Variants in CAPN2 observed in about 807,000 individuals in gnomAD.
CAPN2 encodes calpain-2 catalytic subunit.
In CAPN2, 92 loss-of-function variants were observed where a neutral mutation model predicts 102.3. That is an observed-to-expected ratio of 0.90 (90% CI 0.76 to 1.07). CAPN2 has a LOEUF of 1.07. Among genes scored for constraint, CAPN2 ranks in the 50% least tolerant of loss-of-function variants. The pLI is 0.00. For missense variants in CAPN2, 800 were observed against 909.4 expected, an observed-to-expected ratio of 0.88 and a Z score of 1.55; for synonymous variants, 340 against 355.4, an observed-to-expected ratio of 0.96 and a Z score of 0.49.
At chr1:223,773,005 T>C (rs1040264081) in intron 20 of CAPN2, 1 of 152,178 alleles carries the variant, frequency 6.6e-6, no homozygotes, top group African/African-American at 2.4e-5. Flanking sequence ...CAGTTGTCAG[T>C]CCTGTCCGTG....
intron 2 of CAPN2, among the ~76,000 whole-genome samples, chr1:223,738,479 A>G (rs1660521653): frequency 6.6e-6 from 1 of 152,160 alleles, no homozygotes; most frequent in African/African-American, 2.4e-5. Flanking sequence ...CCCTATTGCT[A>G]TTTTTATTAG....
intron 2 of CAPN2, among the ~76,000 whole-genome samples, chr1:223,732,387 A>C (rs971196771): frequency 3.9e-5 from 6 of 152,218 alleles, no homozygotes; most frequent in Non-Finnish European, 7.3e-5. Flanking sequence ...TTATATGCTA[A>C]ACTTCTTGAT....
At chr1:223,746,613 G>A (rs1660756627) in intron 4 of CAPN2, among the ~76,000 whole-genome samples, 1 of 151,676 alleles carries the variant, frequency 6.6e-6, no homozygotes, top group African/African-American at 2.4e-5. Context: ...AAGTAGCTGG[G>A]ACTACAGGCA....
chr1:223,753,135 C>T (rs1660947558), intron 9 of CAPN2, among the ~76,000 whole-genome samples, 179 bp downstream of exon 9: 1 of 147,050 alleles, frequency 6.8e-6, no homozygotes, highest in Non-Finnish European at 1.5e-5. Context: ...AGCCTTTTCT[C>T]CCCGAGCTCT....
chr1:223,770,565 T>A (rs1235249789), intron 18 of CAPN2, 40 bp downstream of exon 18: 18 of 1,340,280 alleles, frequency 1.3e-5, no homozygotes, highest in Non-Finnish European at 1.9e-5. Flanking sequence ...TAGTTTAATC[T>A]GTCTGTAGAA....
rs530098175 is a variant in CAPN2, at chr1:223,760,214, G to A, written c.1529+733G>A. On this transcript the variant is annotated intron_variant, in intron 12 of 20. Transcript: ENST00000295006. ...GTAGGGGGTCAGGCTAGGAAGAACA[G>A]GAGCCAAGGATGTGTTGGAGGACCA... Among the ~76,000 whole-genome samples, 4 of 152,334 alleles carry A rather than the reference G, an allele frequency of 2.6e-5. No individual in the cohort carries two copies. In the South Asian group the frequency reaches 6.2e-4, roughly 24 times the overall value.
Position 223,772,218 on chromosome 1 carries a change from AAT to A in CAPN2, c.2060_2061del (p.Ile687ArgfsTer17). On this transcript the variant is annotated frameshift_variant, in exon 20 of 21. Transcript: ENST00000295006. LOFTEE classifies it high-confidence loss of function. ...KQLDPENTGT[I>X]ELDLISWLCF... ...AGCTGGATCCCGAGAATACTGGAAC[AAT>A]AGAGCTCGACCTTATCTCTGTGAGT... 6.2e-7 allele frequency: 1 copy of A among 1,614,136 alleles called. No homozygotes were observed. Among genetic ancestry groups the A allele is most frequent in the Non-Finnish European group, 8.5e-7 (1 of 1,180,008 alleles).
At chr1:223,770,055 T>C in intron 17 of CAPN2, 146 bp downstream of exon 17, 1 of 735,996 alleles carries the variant, frequency 1.4e-6, no homozygotes, top group East Asian at 2.7e-5. Flanking sequence ...TGAGTAAAGA[T>C]GGGGCTGAGG....
rs569104245 is a variant in CAPN2, at chr1:223,769,695, C to T, written c.1756-146C>T. 1.5e-4 allele frequency: 104 copies of T among 673,152 alleles called. No homozygotes were observed. The Admixed American group carries it at 2.3e-3, about 15-fold the overall frequency. The allele number at this position is 673,152 out of a possible 1,614,324, so 41.7% of individuals were successfully genotyped here. ...CCAATCCTTTAAATGGAGGTTTAGC[C>T]AGTGGGAAAAGCAGGAAAAGGATCC... On this transcript the variant is annotated intron_variant, in intron 16 of 20. Coordinates refer to ENST00000295006, the MANE Select transcript of CAPN2 (RefSeq NM_001748.5).
At chr1:223,749,178 GCA>G (rs1483324341) in intron 6 of CAPN2, 56 bp downstream of exon 6, 3 of 1,492,610 alleles carry the variant, frequency 2.0e-6, no homozygotes, top group South Asian at 2.3e-5. Flanking sequence ...ATGGCCACAG[GCA>G]CAGTTTGTGG....
At chr1:223,707,350 C>T (rs1659634370) in intron 1 of CAPN2, among the ~76,000 whole-genome samples, 1 of 152,064 alleles carries the variant, frequency 6.6e-6, no homozygotes, top group South Asian at 2.1e-4. Flanking sequence ...TGGATAATCC[C>T]AGCTGTTTCT....
In CAPN2 at chr1:223,712,796, G is replaced by T. The variant is rs749322848; in HGVS notation, c.156G>T (p.Pro52=). The T allele has an allele frequency of 1.9e-6, 3 of 1,581,660 alleles. No homozygotes were observed. Among genetic ancestry groups the T allele is most frequent in the Admixed American group, 1.8e-5 (1 of 56,126 alleles). Residue 52 remains proline, a synonymous_variant, in exon 1 of 21, where the codon CCG becomes CCT. Coordinates refer to ENST00000295006, the MANE Select transcript of CAPN2 (RefSeq NM_001748.5). The part of the protein sequence containing the change: ...AGTLFQDPSF[P]AIPSALGFKE... The stretch of plus-strand genomic sequence containing the variant: ...CGCTCTTCCAGGACCCGTCCTTCCC[G>T]GCCATCCCCTCGGCCCTGGGCTTCA...
chr1:223,745,548 A>G, intron 4 of CAPN2, 109 bp downstream of exon 4: 1 of 1,286,634 alleles, frequency 7.8e-7, no homozygotes, highest in Non-Finnish European at 1.1e-6. Context: ...AGGTGGGTGG[A>G]TCATTTGAGG....
chr1:223,722,281 CTTTTTT>C (rs34894876), intron 2 of CAPN2, among the ~76,000 whole-genome samples: 3 of 85,514 alleles, frequency 3.5e-5, no homozygotes, highest in African/African-American at 8.6e-5. Flanking sequence ...TTCTTTCTTT[CTTTTTT>C]TTTTTTTTTT....
intron 15 of CAPN2, 106 bp downstream of exon 15, chr1:223,764,313 C>T: frequency 2.2e-6 from 2 of 899,168 alleles, no homozygotes; most frequent in South Asian, 1.4e-5. Flanking sequence ...GACTAAACCA[C>T]CACCCTCCAT....
intron 2 of CAPN2, among the ~76,000 whole-genome samples, chr1:223,741,837 C>A (rs962811617): frequency 6.6e-6 from 1 of 151,920 alleles, no homozygotes; most frequent in African/African-American, 2.4e-5. Context: ...AGTGCAGTGG[C>A]GTGATCTTGG....
chr1:223,772,515 A>G, intron 20 of CAPN2: 1 of 416,164 alleles, frequency 2.4e-6, no homozygotes, highest in Non-Finnish European at 4.3e-6. Context: ...GAGTGGCTGC[A>G]GGATCATGCT....
intron 2 of CAPN2, among the ~76,000 whole-genome samples, chr1:223,735,585 A>G (rs2102788263): frequency 6.6e-6 from 1 of 151,350 alleles, no homozygotes; most frequent in South Asian, 2.1e-4. Context: ...CCCCTCCCCA[A>G]CCACCTCTGG....
intron 2 of CAPN2, among the ~76,000 whole-genome samples, 169 bp downstream of exon 2, chr1:223,718,000 C>G (rs1571781185): frequency 6.6e-6 from 1 of 152,366 alleles, no homozygotes; most frequent in South Asian, 2.1e-4. Context: ...ATTCTACCCT[C>G]AGCCCCATGC....
Sources: gnomAD v4.1 joint callset for allele counts (sites outside exome capture counted in the v4.1 genomes callset) on GRCh38, gnomAD v4.1.1 for gene constraint, MANE v1.5 for transcripts, NCBI Gene and HGNC (gene_info 2026-07-23, HGNC 2026-07-21) for gene names.